The following ACTN1 variants were observed in gnomAD, a reference collection of about 807,000 sequenced individuals.
ACTN1 encodes alpha-actinin-1.
ACTN1 carries 30 observed loss-of-function variants against 119.6 expected under a neutral mutation model. The ratio of observed to expected loss-of-function variants is 0.25; its 90% CI spans 0.19 to 0.34. ACTN1 has a LOEUF of 0.34. Ranked by LOEUF, ACTN1 falls within the 10% of genes least tolerant of loss-of-function variation. ACTN1 has a pLI of 1.00. For synonymous variants in ACTN1, 429 were observed against 472.6 expected (o/e 0.91, Z 1.20); for missense variants, 764 against 1,223.4 (o/e 0.62, Z 5.60).
chr14:68,921,467 A>AT (rs2140358243), intron 2 of ACTN1: 1 of 186,914 alleles, frequency 5.4e-6, no homozygotes, highest in African/African-American at 2.3e-5. Context: ...CCTTTATGTA[A>AT]TTACAGTCCA....
chr14:68,897,993 C>T (rs2032999271), intron 8 of ACTN1, among the ~76,000 whole-genome samples: 1 of 152,252 alleles, frequency 6.6e-6, no homozygotes, highest in Non-Finnish European at 1.5e-5. Flanking sequence ...CTAAGCCTTC[C>T]CCCCACAGAC....
rs1470545128 is a variant in ACTN1, at chr14:68,885,688, A to T, written c.1235-113T>A. 10 of 1,281,680 alleles carry T rather than the reference A, an allele frequency of 7.8e-6. No individual in the cohort carries two copies. The East Asian group carries it at 2.5e-4, about 32-fold the overall frequency. The allele number at this position is 1,281,680 out of a possible 1,614,324, so 79.4% of individuals were successfully genotyped here. On this transcript the variant is annotated intron_variant, in intron 11 of 21. Transcript: ENST00000394419. The surrounding 1 kb of genome is among the most constrained non-coding windows in gnomAD (Gnocchi z 5.6). Reference sequence around the variant, plus strand: ...CCACTTCTGGGGGTGCTTCTCAAGGAGGTGCCCATTGTGCAGGGATCTGCA... The same window carrying T: ...CCACTTCTGGGGGTGCTTCTCAAGGTGGTGCCCATTGTGCAGGGATCTGCA...
At chr14:68,967,891 C>T (rs2036756657) in intron 1 of ACTN1, among the ~76,000 whole-genome samples, 1 of 152,222 alleles carries the variant, frequency 6.6e-6, no homozygotes, top group Non-Finnish European at 1.5e-5. Context: ...TTGCAGAGCA[C>T]AGCCAGCTTC....
chr14:68,948,877 AC>A (rs2036035260), intron 1 of ACTN1, among the ~76,000 whole-genome samples: 1 of 152,180 alleles, frequency 6.6e-6, no homozygotes, highest in African/African-American at 2.4e-5. Context: ...CGCACGGGGC[AC>A]CCAAAAGACA....
At chr14:68,977,805 C>CCCCT in intron 1 of ACTN1, 1 of 367,594 alleles carries the variant, frequency 2.7e-6, no homozygotes, top group South Asian at 2.0e-5. Flanking sequence ...TCCTGTCCCC[C>CCCCT]CCCCACCCAA....
At position 68,879,475 on chromosome 14, in the gene ACTN1, C is replaced by A. The variant is rs1035039518; in HGVS notation, c.2281-406G>T. ...CACGCCTTGGGACCGCCCGCAAGCCCCAGGGCACTGGGAAGGGGCAGCCCA... is the reference window on the plus strand; with the variant it reads ...CACGCCTTGGGACCGCCCGCAAGCCACAGGGCACTGGGAAGGGGCAGCCCA... On this transcript the variant is annotated intron_variant, in intron 18 of 21. Transcript: ENST00000394419. The surrounding 1 kb of genome is among the most constrained non-coding windows in gnomAD (Gnocchi z 4.9). Among the ~76,000 whole-genome samples, 3 of 152,190 alleles carry A rather than the reference C, an allele frequency of 2.0e-5. No individual in the cohort carries two copies. Among genetic ancestry groups the A allele is most frequent in the Non-Finnish European group, 4.4e-5 (3 of 68,016 alleles).
intron 6 of ACTN1, among the ~76,000 whole-genome samples, chr14:68,906,953 A>G (rs1451397139): frequency 6.6e-6 from 1 of 151,614 alleles, no homozygotes; most frequent in Non-Finnish European, 1.5e-5. Context: ...GTGAGACTTC[A>G]TCTCTACAAA....
intron 13 of ACTN1, 60 bp from the exon 14 acceptor site, chr14:68,884,368 C>T: frequency 6.4e-7 from 1 of 1,550,820 alleles, no homozygotes; most frequent in Non-Finnish European, 8.7e-7. Context: ...TCCCCCACTC[C>T]TATCAAGATC....
At chr14:68,916,816 C>G (rs2034320057) in intron 3 of ACTN1, among the ~76,000 whole-genome samples, 1 of 152,198 alleles carries the variant, frequency 6.6e-6, no homozygotes, top group Admixed American at 6.5e-5. Flanking sequence ...GCTCACATCC[C>G]CTGTTTACTG....
chr14:68,922,287 C>T (rs2034691237), intron 2 of ACTN1, among the ~76,000 whole-genome samples: 1 of 152,204 alleles, frequency 6.6e-6, no homozygotes, highest in Non-Finnish European at 1.5e-5. Flanking sequence ...CTCCAGGTGG[C>T]CTCCCAGCAG....
chr14:68,908,200 C>A (rs567149527), intron 6 of ACTN1, among the ~76,000 whole-genome samples: 4 of 107,350 alleles, frequency 3.7e-5, no homozygotes, highest in Admixed American at 2.2e-4. Flanking sequence ...GGGGGTGGGG[C>A]GGGGCACGGT....
chr14:68,904,033 GC>G (rs2033512506), intron 7 of ACTN1, among the ~76,000 whole-genome samples: 1 of 152,064 alleles, frequency 6.6e-6, no homozygotes, highest in African/African-American at 2.4e-5. Flanking sequence ...CTCAACTTGG[GC>G]CCCCTCCTTC....
chr14:68,879,992 C>G lies in ACTN1; in HGVS notation c.2250G>C (p.Glu750Asp). The part of the protein sequence containing the change: ...AKGISQEQMN[E>D]FRASFNHFDR... ...CAAAGTGGTTGAAGGAGGCCCGGAA[C>G]TCATTCATCTGCTCCTGGCTGATGC... The change falls in exon 18 of 22, where the codon GAG becomes GAC. Residue 750 changes from glutamate to aspartate, a missense_variant. Transcript: ENST00000394419. This position sits in a 1 kb window ranked among gnomAD's most constrained non-coding sequence, Gnocchi z 4.9. The G allele has an allele frequency of 1.2e-6, 2 of 1,614,200 alleles. No individual in the cohort carries two copies. The highest frequency in any genetic ancestry group is 1.7e-6 in the Non-Finnish European group (2 of 1,180,000).
intron 1 of ACTN1, among the ~76,000 whole-genome samples, chr14:68,976,488 A>G (rs1258627855): frequency 6.6e-6 from 1 of 152,250 alleles, no homozygotes; most frequent in Non-Finnish European, 1.5e-5. Context: ...GGCCCACGAA[A>G]GATAATCTAG....
chr14:68,876,975 G>A (rs1594746084), intron 21 of ACTN1, 107 bp downstream of exon 21: 3 of 1,379,158 alleles, frequency 2.2e-6, no homozygotes, highest in Admixed American at 2.3e-5. Context: ...AAAGGACCCT[G>A]GAAGAAGGGG....
In ACTN1 at chr14:68,893,667, C is replaced by T. The variant is rs202041611; in HGVS notation, c.843G>A (p.Lys281=). 2.4e-4 allele frequency: 383 copies of T among 1,614,126 alleles called. 5 individuals carry two copies. The South Asian group carries it at 4.0e-3, about 17-fold the overall frequency. The change falls in exon 9 of 22, where the codon AAG becomes AAA. Residue 281 remains lysine (K), a synonymous_variant. Transcript: ENST00000394419. ...ENEQLMEDYE[K]LASDLLEWIR... ...CGGGGGTACCCACATCACTGGCCAG[C>T]TTCTCGTAGTCTTCCATAAGCTGCT...
intron 2 of ACTN1, among the ~76,000 whole-genome samples, chr14:68,924,876 G>A (rs1049386663): frequency 6.6e-6 from 1 of 152,244 alleles, no homozygotes; most frequent in Non-Finnish European, 1.5e-5. Flanking sequence ...GCTAGGGCAG[G>A]AGTGACAAGC....
At chr14:68,952,353 A>C (rs2036197324) in intron 1 of ACTN1, among the ~76,000 whole-genome samples, 1 of 152,246 alleles carries the variant, frequency 6.6e-6, no homozygotes, top group Admixed American at 6.5e-5. Flanking sequence ...TCGAAGTGAC[A>C]GGCGGCCAAC....
At chr14:68,976,227 C>T (rs144933362) in intron 1 of ACTN1, among the ~76,000 whole-genome samples, 3 of 152,240 alleles carry the variant, frequency 2.0e-5, no homozygotes, top group Non-Finnish European at 2.9e-5. Context: ...TGCCTTCTAC[C>T]GGGTGACCTT....
Sources: gnomAD v4.1 joint callset for allele counts (sites outside exome capture counted in the v4.1 genomes callset) on GRCh38, gnomAD v4.1.1 for gene constraint, Gnocchi (gnomAD v3.1) non-coding constraint, MANE v1.5 for transcripts, NCBI Gene and HGNC (gene_info 2026-07-23, HGNC 2026-07-21) for gene names.